SETBP1: variants seen among roughly 807,000 people sequenced by gnomAD.
SETBP1 encodes the protein SET binding protein 1.
Under a neutral mutation model 101.0 loss-of-function variants are expected in SETBP1, and 9 were observed. That is an observed-to-expected ratio of 0.09 (90% confidence interval 0.05 to 0.16). The LOEUF (loss-of-function observed/expected upper bound fraction) is 0.16, where lower values mean the gene tolerates loss of function less well. Among genes scored for constraint, SETBP1 ranks in the 10% least tolerant of loss-of-function variants. The probability of loss-of-function intolerance (pLI) is 1.00; values close to 1 mark genes in which losing one functional copy is unlikely to be tolerated. For missense variants in SETBP1, 1,858 were observed against 2,033.8 expected (o/e 0.91, Z 1.66); for synonymous variants, 818 against 788.5 (o/e 1.04, Z -0.63).
At chr18:44,864,693 C>T (rs922838367) in intron 2 of SETBP1, among the ~76,000 whole-genome samples, 1 of 152,032 alleles carries the variant, frequency 6.6e-6, no homozygotes, top group Non-Finnish European at 1.5e-5. Context: ...CCCTCTGCAC[C>T]CCGCACCCTC....
intron 3 of SETBP1, among the ~76,000 whole-genome samples, chr18:44,912,490 T>G (rs1166879094): frequency 6.6e-6 from 1 of 152,144 alleles, no homozygotes; most frequent in Admixed American, 6.5e-5. Context: ...TTGTTTTTTT[T>G]GTTTGTTTGT....
intron 2 of SETBP1, among the ~76,000 whole-genome samples, chr18:44,819,713 A>G (rs1189622854): frequency 6.6e-6 from 1 of 152,200 alleles, no homozygotes; most frequent in South Asian, 2.1e-4. Flanking sequence ...CTGAGATCAC[A>G]CATGGCTTGA....
chr18:44,952,208 C>G lies in SETBP1; in HGVS notation c.2868C>G (p.Asp956Glu), dbSNP rs571014959. ...QNRDDLQFLA[D>E]LEELITKFQV... ...GCGATGACCTCCAGTTTCTGGCAGA[C>G]CTGGAGGAGCTAATCACCAAGTTCC... The change falls in exon 4 of 6, where the codon GAC (aspartate) becomes GAG (glutamate). Residue 956 changes from aspartate (D) to glutamate (E), a missense_variant. Transcript: ENST00000649279. 5 of 1,614,148 alleles carry G rather than the reference C, an allele frequency of 3.1e-6. No homozygotes were observed. The South Asian group carries it at 5.5e-5, about 18-fold the overall frequency.
intron 4 of SETBP1, among the ~76,000 whole-genome samples, chr18:45,027,795 T>A (rs879719179): frequency 7.9e-5 from 12 of 152,174 alleles, no homozygotes; most frequent in Admixed American, 7.2e-4. Flanking sequence ...ATGCATCATC[T>A]TTCAGTATTG....
intron 3 of SETBP1, among the ~76,000 whole-genome samples, chr18:44,874,035 C>T (rs745718706): frequency 4.6e-5 from 7 of 152,188 alleles, no homozygotes; most frequent in Non-Finnish European, 1.0e-4. Flanking sequence ...GGGATAGCTT[C>T]CACAATTGTT....
At chr18:44,989,269 A>C (rs2145273644) in intron 4 of SETBP1, 1 of 152,288 alleles carries the variant, frequency 6.6e-6, no homozygotes, top group South Asian at 2.1e-4. Flanking sequence ...TAGATTTGAA[A>C]ACTGCCCAAA....
chr18:44,689,886 C>T (rs1284703554), intron 1 of SETBP1, among the ~76,000 whole-genome samples: 8 of 152,136 alleles, frequency 5.3e-5, no homozygotes, highest in Non-Finnish European at 1.5e-5. Context: ...ATTCATCTCC[C>T]CTAAGCTGAA....
At chr18:44,844,044 A>AT (rs938551055) in intron 2 of SETBP1, among the ~76,000 whole-genome samples, 6 of 151,840 alleles carry the variant, frequency 4.0e-5, no homozygotes, top group Non-Finnish European at 8.8e-5. Flanking sequence ...CACTCCTGTC[A>AT]TTTTTTTTAC....
intron 4 of SETBP1, among the ~76,000 whole-genome samples, chr18:45,023,274 C>A (rs541729088): frequency 2.4e-4 from 36 of 152,284 alleles, no homozygotes; most frequent in African/African-American, 8.4e-4. Flanking sequence ...CAAGTCACCT[C>A]CATAAATCTC....
rs1463754546 is a variant in SETBP1, at chr18:44,951,775, G to A, written c.2435G>A (p.Ser812Asn). 6.2e-6 allele frequency: 10 copies of A among 1,613,982 alleles called. No homozygotes were observed. Among genetic ancestry groups the A allele is most frequent in the Non-Finnish European group, 1.7e-6 (2 of 1,180,044 alleles). Reference protein sequence around the residue: ...LKTMPNLQPISALPTKTQKGI... With the variant: ...LKTMPNLQPINALPTKTQKGI... ...ACTATGCCAAATCTCCAGCCCATCA[G>A]TGCTCTTCCAACCAAAACCCAAAAG... The change falls in exon 4 of 6, where the codon AGT becomes AAT. Residue 812 changes from serine (S) to asparagine (N), a missense_variant. By Grantham distance (46) the Ser-to-Asn change is conservative (BLOSUM62 1). Transcript: ENST00000649279. This position sits in a 1 kb window ranked among gnomAD's most constrained non-coding sequence, Gnocchi z 7.8.
chr18:44,962,302 G>C (rs1403176349), intron 4 of SETBP1, among the ~76,000 whole-genome samples: 1 of 152,162 alleles, frequency 6.6e-6, no homozygotes, highest in Non-Finnish European at 1.5e-5. Context: ...TATTTGAGGG[G>C]TACAGGAAGG....
rs770003824 is a variant in SETBP1, at chr18:44,950,992, C to T, written c.1652C>T (p.Ser551Phe). Residue 551 changes from serine (S) to phenylalanine (F), a missense_variant, in exon 4 of 6, where the codon TCT (serine) becomes TTT (phenylalanine). Physicochemically the swap from Ser to Phe is radical, Grantham distance 155. Coordinates refer to ENST00000649279, the MANE Select transcript of SETBP1 (RefSeq NM_015559.3). The stretch of plus-strand genomic sequence containing the variant: ...CTTCGAGAGGCAGTTATGGCCACCT[C>T]TGATAAACTGATGCTGGAGCCCCCG... ...TMLREAVMAT[S>F]DKLMLEPPSA... The T allele has an allele frequency of 1.2e-6, 2 of 1,614,092 alleles. No homozygotes were observed. The highest frequency in any genetic ancestry group is 3.3e-5 in the Admixed American group (2 of 60,022).
At chr18:44,756,747 T>C (rs1260978366) in intron 2 of SETBP1, among the ~76,000 whole-genome samples, 1 of 152,206 alleles carries the variant, frequency 6.6e-6, no homozygotes, top group Non-Finnish European at 1.5e-5. Context: ...CTTTTTTCCA[T>C]ATAAACCTCT....
chr18:44,819,517 C>T (rs186046853), intron 2 of SETBP1, among the ~76,000 whole-genome samples: 3 of 152,248 alleles, frequency 2.0e-5, no homozygotes, highest in Admixed American at 1.3e-4. Flanking sequence ...ACTTAATCTT[C>T]GTAAGATCCG....
At chr18:44,760,858 C>T (rs2070624048) in intron 2 of SETBP1, among the ~76,000 whole-genome samples, 1 of 151,988 alleles carries the variant, frequency 6.6e-6, no homozygotes, top group Non-Finnish European at 1.5e-5. Flanking sequence ...AAAGGACATA[C>T]AAAAAGAAGG....
At chr18:44,898,073 A>G (rs2069950528) in intron 3 of SETBP1, among the ~76,000 whole-genome samples, 2 of 152,114 alleles carry the variant, frequency 1.3e-5, no homozygotes, top group Admixed American at 6.5e-5. Flanking sequence ...CTCTAAACTC[A>G]CTCAGGGCTC....
At chr18:44,865,865 G>A (rs1429720128) in intron 2 of SETBP1, among the ~76,000 whole-genome samples, 1 of 152,176 alleles carries the variant, frequency 6.6e-6, no homozygotes. Context: ...TGTTTCCCAG[G>A]TCAGATAACA....
intron 2 of SETBP1, among the ~76,000 whole-genome samples, chr18:44,773,212 G>A (rs1322948992): frequency 1.3e-5 from 2 of 152,126 alleles, no homozygotes; most frequent in Non-Finnish European, 2.9e-5. Context: ...ATACACTAAG[G>A]TGCCCTAGAT....
At position 44,794,905 on chromosome 18, in the gene SETBP1, C is replaced by A. The variant is rs2071443331; in HGVS notation, c.487-74325C>A. ...CTTGGGTTATCAAGCAGGAAACATT[C>A]ATGGATGCAAGACATTCTACCTAAT... is the stretch of plus-strand genomic sequence containing the variant. On this transcript the variant is annotated intron_variant, in intron 2 of 5. Coordinates refer to ENST00000649279, the MANE Select transcript of SETBP1 (RefSeq NM_015559.3). 3.3e-5 allele frequency among the ~76,000 whole-genome samples: 5 copies of A among 152,154 alleles called. No homozygotes were observed. The South Asian group carries it at 1.0e-3, about 32-fold the overall frequency.
Sources: gnomAD v4.1 joint callset for allele counts (sites outside exome capture counted in the v4.1 genomes callset) on GRCh38, gnomAD v4.1.1 for gene constraint, Gnocchi (gnomAD v3.1) non-coding constraint, MANE v1.5 for transcripts, NCBI Gene and HGNC (gene_info 2026-07-23, HGNC 2026-07-21) for gene names.